The following ADARB2 variants were observed in gnomAD, a reference collection of about 807,000 sequenced individuals.
ADARB2 encodes the protein adenosine deaminase RNA specific B2 (inactive), also known as inactive double-stranded RNA-specific editase B2.
ADARB2 carries 25 observed loss-of-function variants against 62.2 expected under a neutral mutation model. The observed-to-expected ratio is 0.40, with a 90% CI of 0.29 to 0.56. The LOEUF (loss-of-function observed/expected upper bound fraction) is 0.56. Among genes scored for constraint, ADARB2 ranks in the 20% least tolerant of loss-of-function variants. ADARB2 has a pLI of 0.43. For missense variants in ADARB2, 1,071 were observed against 1,077.4 expected, an observed-to-expected ratio of 0.99 and a Z score of 0.08; for synonymous variants, 572 against 500.8, an observed-to-expected ratio of 1.14 and a Z score of -1.90.
intron 7 of ADARB2, chr10:1,215,910 T>C (rs904107775): frequency 6.8e-6 from 1 of 147,302 alleles, no homozygotes; most frequent in African/African-American, 2.5e-5. Flanking sequence ...GTTGGGGAGG[T>C]CTTAGGGCCT....
intron 2 of ADARB2, among the ~76,000 whole-genome samples, chr10:1,371,409 A>G (rs1832370817): frequency 1.3e-5 from 2 of 152,238 alleles, no homozygotes; most frequent in Admixed American, 1.3e-4. Context: ...AAGGCCCCAA[A>G]AGGAAATGCA....
intron 1 of ADARB2, among the ~76,000 whole-genome samples, chr10:1,508,493 G>A (rs191588873): frequency 7.9e-5 from 12 of 152,278 alleles, no homozygotes; most frequent in African/African-American, 2.4e-4. Flanking sequence ...TAAAGAAGTC[G>A]TGTTAGCTGG....
chr10:1,242,027 A>G, intron 5 of ADARB2, 104 bp downstream of exon 5: 3 of 1,254,278 alleles, frequency 2.4e-6, no homozygotes, highest in Non-Finnish European at 2.2e-6. Flanking sequence ...CTGTGCCAGG[A>G]TAGAGGGAAG....
intron 4 of ADARB2, among the ~76,000 whole-genome samples, chr10:1,244,304 G>C (rs1029407714): frequency 9.9e-5 from 15 of 152,254 alleles, no homozygotes; most frequent in Admixed American, 6.5e-5. Flanking sequence ...CTGGTATTTA[G>C]AGAAATGGGA....
intron 1 of ADARB2, among the ~76,000 whole-genome samples, chr10:1,564,122 T>G (rs1216039604): frequency 6.6e-6 from 1 of 152,114 alleles, no homozygotes; most frequent in Non-Finnish European, 1.5e-5. Context: ...GCAACATGAT[T>G]TATAGTCCAT....
chr10:1,399,486 C>T (rs542968511), intron 1 of ADARB2, among the ~76,000 whole-genome samples: 11 of 152,130 alleles, frequency 7.2e-5, no homozygotes, highest in South Asian at 6.2e-4. Flanking sequence ...CCCACCTTTC[C>T]GACTGAAGCT....
rs552937480 is a variant in ADARB2, at chr10:1,377,039, T to C, written c.187+2035A>G. Among the ~76,000 whole-genome samples the C allele has an allele frequency of 5.8e-5, 8 of 137,270 alleles. No individual in the cohort carries two copies. The South Asian group carries it at 1.0e-3, about 18-fold the overall frequency. 90.1% of individuals were successfully genotyped at this position (137,270 alleles called of 152,430 possible). A position where few individuals can be genotyped will look rare whatever the true frequency, so the allele number is the denominator to read the frequency against. On this transcript the variant is annotated intron_variant, in intron 2 of 9. Coordinates refer to ENST00000381312, the MANE Select transcript of ADARB2 (RefSeq NM_018702.4). Reference sequence around the variant, plus strand: ...TGTGTGTGCTCCTGGGGTGTGTGTGTGCGCATGTGCTTGTGTGCTCCTGGG... The same window carrying C: ...TGTGTGTGCTCCTGGGGTGTGTGTGCGCGCATGTGCTTGTGTGCTCCTGGG...
At position 1,270,997 on chromosome 10, in the gene ADARB2, G is replaced by T; in HGVS notation, c.1150C>A (p.His384Asn). Residue 384 changes from histidine (H) to asparagine (N), a missense_variant, in exon 4 of 10, where the codon CAC becomes AAC. Coordinates refer to ENST00000381312, the MANE Select transcript of ADARB2 (RefSeq NM_018702.4). ...REVTTDLTPMHARHKALAGIV... is the reference protein window; with the variant it reads ...REVTTDLTPMNARHKALAGIV... ...CCTGCCAGCGCTTTATGGCGGGCGTGCATGGGCGTGAGGTCCGTCGTCACC... is the reference window on the plus strand; with the variant it reads ...CCTGCCAGCGCTTTATGGCGGGCGTTCATGGGCGTGAGGTCCGTCGTCACC... The T allele has an allele frequency of 6.2e-7, 1 of 1,613,268 alleles. No individual in the cohort carries two copies.
chr10:1,521,203 T>C (rs549656250), intron 1 of ADARB2, among the ~76,000 whole-genome samples: 1 of 152,306 alleles, frequency 6.6e-6, no homozygotes, highest in African/African-American at 2.4e-5. Flanking sequence ...GTTCTGTTTA[T>C]GACGGGCATG....
At chr10:1,571,779 C>G (rs896244348) in intron 1 of ADARB2, among the ~76,000 whole-genome samples, 1 of 138,544 alleles carries the variant, frequency 7.2e-6, no homozygotes, top group African/African-American at 2.8e-5. Context: ...GGTGAGTAGG[C>G]AGGTGATATG....
chr10:1,228,984 T>A (rs1830773134), intron 6 of ADARB2, among the ~76,000 whole-genome samples: 1 of 152,180 alleles, frequency 6.6e-6, no homozygotes. Flanking sequence ...CTGCCCCGAA[T>A]GCATCAGAAT....
intron 1 of ADARB2, among the ~76,000 whole-genome samples, chr10:1,686,859 G>C (rs1263562073): frequency 1.3e-5 from 2 of 151,968 alleles, no homozygotes; most frequent in Non-Finnish European, 2.9e-5. Flanking sequence ...CAATAAATAT[G>C]TTGAACTTTG....
At chr10:1,322,985 C>G (rs1831808506) in intron 3 of ADARB2, among the ~76,000 whole-genome samples, 1 of 152,186 alleles carries the variant, frequency 6.6e-6, no homozygotes, top group African/African-American at 2.4e-5. Flanking sequence ...CCCTGATACA[C>G]TTACTACAAT....
Position 1,576,093 on chromosome 10 carries a change from C to T in ADARB2, c.100+160958G>A, listed in dbSNP as rs754889316. Among the ~76,000 whole-genome samples, 155 of 22,974 alleles carry T rather than the reference C, an allele frequency of 6.7e-3. 1 individual carries two copies. Among genetic ancestry groups the T allele is most frequent in the African/African-American group, 0.016 (74 of 4,558 alleles). 15.1% of individuals were successfully genotyped at this position (22,974 alleles called of 152,430 possible). ...CAGGGTCACAGGAGGGGGCTCAGGG[C>T]CACGGGAGGGGGCTCAGAGTCACAG... is the stretch of plus-strand genomic sequence containing the variant. On this transcript the variant is annotated intron_variant, in intron 1 of 9. Transcript: ENST00000381312.
At chr10:1,641,742 G>T (rs1206155023) in intron 1 of ADARB2, among the ~76,000 whole-genome samples, 6 of 152,208 alleles carry the variant, frequency 3.9e-5, no homozygotes, top group African/African-American at 1.4e-4. Context: ...GCTGGGCGTG[G>T]CGGCTCACAC....
intron 1 of ADARB2, among the ~76,000 whole-genome samples, chr10:1,646,376 C>T (rs1834042369): frequency 6.6e-6 from 1 of 152,270 alleles, no homozygotes; most frequent in South Asian, 2.1e-4. Flanking sequence ...GGCTCTCTCT[C>T]TCTGCATGTT....
chr10:1,510,572 T>A (rs1831924215), intron 1 of ADARB2, among the ~76,000 whole-genome samples: 1 of 152,168 alleles, frequency 6.6e-6, no homozygotes, highest in Non-Finnish European at 1.5e-5. Flanking sequence ...TTGAAAGGTG[T>A]CTTAAACTAA....
At chr10:1,630,277 A>T (rs375975321) in intron 1 of ADARB2, among the ~76,000 whole-genome samples, 34 of 152,228 alleles carry the variant, frequency 2.2e-4, no homozygotes, top group African/African-American at 7.5e-4. Context: ...TCTCGTGAGG[A>T]TGGGAGAAGA....
At chr10:1,508,068 G>A (rs1176654075) in intron 1 of ADARB2, among the ~76,000 whole-genome samples, 2 of 152,174 alleles carry the variant, frequency 1.3e-5, no homozygotes, top group African/African-American at 2.4e-5. Context: ...CACAATTCCC[G>A]AGTGGTGCGT....
Sources: gnomAD v4.1 joint callset for allele counts (sites outside exome capture counted in the v4.1 genomes callset) on GRCh38, gnomAD v4.1.1 for gene constraint, MANE v1.5 for transcripts, NCBI Gene and HGNC (gene_info 2026-07-23, HGNC 2026-07-21) for gene names.